MEGF11: variants seen among roughly 807,000 people sequenced by gnomAD.
MEGF11 encodes the protein multiple EGF like domains 11, also known as multiple epidermal growth factor-like domains protein 11.
Under a neutral mutation model 146.6 loss-of-function variants are expected in MEGF11, and 126 were observed. That is an observed-to-expected ratio of 0.86 (90% confidence interval 0.74 to 1.00). MEGF11 has a LOEUF of 1.00. MEGF11 is among the 50% of genes least tolerant of loss of function. The pLI, the probability that MEGF11 is intolerant of heterozygous loss-of-function variation, is 0.00. For synonymous variants in MEGF11, 532 were observed against 583.4 expected, an observed-to-expected ratio of 0.91 and a Z score of 1.27; for missense variants, 1,509 against 1,521.2, an observed-to-expected ratio of 0.99 and a Z score of 0.13.
intron 10 of MEGF11, among the ~76,000 whole-genome samples, chr15:65,941,481 A>G (rs1596876320): frequency 6.6e-6 from 1 of 151,680 alleles, no homozygotes; most frequent in African/African-American, 2.4e-5. Context: ...GAGGCGGTCC[A>G]TGTGGCCAAG....
intron 4 of MEGF11, among the ~76,000 whole-genome samples, chr15:66,115,485 A>G (rs765974525): frequency 3.3e-5 from 5 of 152,230 alleles, no homozygotes; most frequent in Admixed American, 6.5e-5. Context: ...ACAATAAACA[A>G]GAACAGGAGG....
At chr15:66,015,216 C>G (rs1004813737) in intron 5 of MEGF11, among the ~76,000 whole-genome samples, 3 of 152,138 alleles carry the variant, frequency 2.0e-5, no homozygotes, top group African/African-American at 7.2e-5. Context: ...AGCAATTGCT[C>G]TTTTGGATTA....
chr15:66,180,527 T>G (rs1055081123), intron 1 of MEGF11, among the ~76,000 whole-genome samples: 1 of 152,250 alleles, frequency 6.6e-6, no homozygotes, highest in African/African-American at 2.4e-5. Flanking sequence ...ATCCCCCTCC[T>G]GACAGTGGCT....
chr15:65,968,919 A>G lies in MEGF11; in HGVS notation c.899+1634T>C, dbSNP rs182556928. On this transcript the variant is annotated intron_variant, in intron 8 of 25. Coordinates refer to ENST00000395614, the MANE Select transcript of MEGF11 (RefSeq NM_001385028.1). ...GCTCATGATGATTTGGGGTGGGTTA[A>G]TGCAGCTGTCACCTACGAAATTAAT... Among the ~76,000 whole-genome samples, 404 of 152,328 alleles carry G rather than the reference A, an allele frequency of 2.7e-3. 1 individual carries two copies. Among genetic ancestry groups the G allele is most frequent in the Admixed American group, 6.5e-3 (100 of 15,302 alleles).
chr15:66,187,368 G>A (rs1167281866), intron 1 of MEGF11, among the ~76,000 whole-genome samples: 1 of 152,182 alleles, frequency 6.6e-6, no homozygotes, highest in African/African-American at 2.4e-5. Context: ...TCCACACACA[G>A]GGGAGCCCAG....
At chr15:66,115,171 C>T (rs2087661943) in intron 4 of MEGF11, among the ~76,000 whole-genome samples, 1 of 152,244 alleles carries the variant, frequency 6.6e-6, no homozygotes, top group African/African-American at 2.4e-5. Flanking sequence ...TGTTCTTGTG[C>T]AGGATCCAGA....
chr15:66,099,115 T>C (rs1020983389), intron 4 of MEGF11, among the ~76,000 whole-genome samples: 1 of 151,896 alleles, frequency 6.6e-6, no homozygotes, highest in Non-Finnish European at 1.5e-5. Context: ...CCAAACACTC[T>C]CCTGGGTTGC....
chr15:65,902,644 C>T (rs1596812108), intron 24 of MEGF11: 1 of 152,338 alleles, frequency 6.6e-6, no homozygotes, highest in South Asian at 2.1e-4. Context: ...CCCTTCAGGG[C>T]ATTTTGCAAA....
At chr15:65,990,820 C>T (rs923751161) in intron 5 of MEGF11, among the ~76,000 whole-genome samples, 19 of 152,224 alleles carry the variant, frequency 1.2e-4, no homozygotes, top group African/African-American at 4.6e-4. Context: ...TGCCCTGTTG[C>T]CAAATGTCCC....
chr15:66,224,013 CTT>C (rs559275498), intron 1 of MEGF11, among the ~76,000 whole-genome samples: 2,180 of 152,248 alleles, frequency 0.014, 38 homozygotes, highest in South Asian at 0.047. Context: ...TGACGGGCCT[CTT>C]TTTTCAATCA....
intron 1 of MEGF11, among the ~76,000 whole-genome samples, chr15:66,136,981 C>T (rs927739875): frequency 6.6e-6 from 1 of 152,064 alleles, no homozygotes; most frequent in Non-Finnish European, 1.5e-5. Flanking sequence ...TGCAGTGAGA[C>T]GTGAGCATCC....
chr15:66,023,140 C>CAAAAAAAAAAAAA (rs375962533), intron 5 of MEGF11, among the ~76,000 whole-genome samples: 8 of 123,696 alleles, frequency 6.5e-5, no homozygotes, highest in African/African-American at 9.6e-5. Flanking sequence ...GACTCCATCT[C>CAAAAAAAAAAAAA]AAAAAAAAAA....
chr15:66,172,092 C>T (rs996148976), intron 1 of MEGF11, among the ~76,000 whole-genome samples: 16 of 152,152 alleles, frequency 1.1e-4, no homozygotes, highest in African/African-American at 7.2e-5. Flanking sequence ...GGCAGAGTGA[C>T]GGATGGTGGC....
intron 7 of MEGF11, among the ~76,000 whole-genome samples, chr15:65,974,530 C>T (rs1430873697): frequency 6.6e-6 from 1 of 152,158 alleles, no homozygotes; most frequent in Non-Finnish European, 1.5e-5. Context: ...TGGCAGGTGC[C>T]TGTAATCCCA....
At chr15:66,207,347 T>C (rs2091326290) in intron 1 of MEGF11, among the ~76,000 whole-genome samples, 1 of 152,206 alleles carries the variant, frequency 6.6e-6, no homozygotes, top group African/African-American at 2.4e-5. Context: ...TCAATGAGAT[T>C]ATCAGCTGTT....
In MEGF11 at chr15:65,982,387, C is replaced by T. The variant is rs1381155854; in HGVS notation, c.496G>A (p.Gly166Ser). Residue 166 changes from glycine (G) to serine (S), a missense_variant, in exon 6 of 26, where the codon GGC becomes AGC. By Grantham distance (56) the Gly-to-Ser change is moderately conservative. Transcript: ENST00000395614. The surrounding 1 kb of genome is among the most constrained non-coding windows in gnomAD (Gnocchi z 5.6). Reference protein sequence around the residue: ...PITGACVCAAGFRGWRCEELC... With the variant: ...PITGACVCAASFRGWRCEELC... ...TCCTCGCAGCGCCATCCACGGAAGC[C>T]GGCGGCGCACACGCAGGCGCCTGTG... is the stretch of plus-strand genomic sequence containing the variant. The T allele has an allele frequency of 5.9e-6, 9 of 1,532,272 alleles. No homozygotes were observed. In the African/African-American group the frequency reaches 1.1e-4, roughly 19 times the overall value. The allele number at this position is 1,532,272 out of a possible 1,614,324, so 94.9% of individuals were successfully genotyped here.
chr15:65,903,086 T>C (rs923457541), intron 24 of MEGF11, among the ~76,000 whole-genome samples: 5 of 152,110 alleles, frequency 3.3e-5, no homozygotes, highest in African/African-American at 7.2e-5. Context: ...CTTCTCTTGA[T>C]TGAGAGATAG....
chr15:65,972,130 G>C (rs766072589), intron 7 of MEGF11, among the ~76,000 whole-genome samples: 27 of 151,986 alleles, frequency 1.8e-4, no homozygotes, highest in Non-Finnish European at 4.0e-4. Flanking sequence ...CAAAGATAGA[G>C]AGATGAGATT....
chr15:65,988,941 C>A (rs886210220), intron 5 of MEGF11, among the ~76,000 whole-genome samples: 2 of 152,174 alleles, frequency 1.3e-5, no homozygotes, highest in African/African-American at 2.4e-5. Flanking sequence ...ACCAAAGAAC[C>A]CCCTCCCAGC....
Sources: allele counts gnomAD v4.1 joint callset (sites outside exome capture counted in the v4.1 genomes callset), GRCh38; gene constraint gnomAD v4.1.1; non-coding constraint Gnocchi (gnomAD v3.1); transcripts MANE v1.5; gene names NCBI Gene and HGNC (gene_info 2026-07-23, HGNC 2026-07-21).